ALG11: variants seen among roughly 807,000 people sequenced by gnomAD.
ALG11 encodes the protein GDP-Man:Man(3)GlcNAc(2)-PP-Dol alpha-1,2-mannosyltransferase.
Under a neutral mutation model 38.8 loss-of-function variants are expected in ALG11, and 26 were observed. That is an observed-to-expected ratio of 0.67 (90% CI 0.49 to 0.93). The LOEUF (loss-of-function observed/expected upper bound fraction) is 0.93, where lower values mean the gene tolerates loss of function less well. Ranked by LOEUF, ALG11 falls within the 40% of genes least tolerant of loss-of-function variation. ALG11 has a pLI of 0.00. For synonymous variants in ALG11, 199 were observed against 211.6 expected (o/e 0.94, Z 0.52); for missense variants, 535 against 578.8 (o/e 0.92, Z 0.78).
In ALG11 at chr13:52,018,568, C is replaced by A. The variant is rs186908372; in HGVS notation, c.45-345C>A. 9.9e-5 allele frequency among the ~76,000 whole-genome samples: 15 copies of A among 152,242 alleles called. No individual in the cohort carries two copies. In the East Asian group the frequency reaches 2.9e-3, roughly 29 times the overall value. ...TCAAAATGACAGTATATAACACATT[C>A]TTAATCATGTCTTGTTTAGATTAAT... On this transcript the variant is annotated intron_variant, in intron 1 of 3. Coordinates refer to ENST00000521508, the MANE Select transcript of ALG11 (RefSeq NM_001004127.3).
chr13:52,017,408 A>G (rs1392077644), intron 1 of ALG11: 1 of 152,274 alleles, frequency 6.6e-6, no homozygotes, highest in Non-Finnish European at 1.5e-5. Context: ...GGGCAGAATG[A>G]TATGGTTTGG....
chr13:52,024,880 T>C lies in ALG11; in HGVS notation c.1150T>C (p.Tyr384His). 2 of 1,613,674 alleles carry C rather than the reference T, an allele frequency of 1.2e-6. No individual in the cohort carries two copies. Among genetic ancestry groups the C allele is most frequent in the Non-Finnish European group, 8.5e-7 (1 of 1,180,024 alleles). ...INIPFDELKNYLSEATIGLHT... is the reference protein window; with the variant it reads ...INIPFDELKNHLSEATIGLHT... Reference sequence around the variant, plus strand: ...CATTCCATTTGATGAATTAAAGAATTATTTGTCTGAAGCAACAATTGGTCT... The same window carrying C: ...CATTCCATTTGATGAATTAAAGAATCATTTGTCTGAAGCAACAATTGGTCT... The change falls in exon 3 of 4, where the codon TAT becomes CAT. Residue 384 changes from tyrosine (Y) to histidine (H), a missense_variant. By Grantham distance (83) the Tyr-to-His change is moderately conservative (BLOSUM62 2). Transcript: ENST00000521508.
At position 52,030,166 on chromosome 13, in the gene ALG11, G is replaced by T; in HGVS notation, c.*1576G>T. On this transcript the variant is annotated 3_prime_UTR_variant, in exon 4 of 4. Coordinates refer to ENST00000521508, the MANE Select transcript of ALG11 (RefSeq NM_001004127.3). ...CAAAAGATTCTAGCAGCCAGGAGGT[G>T]CTGTCCGAATTGAGGGCACTATCTC... 9 of 1,614,212 alleles carry T rather than the reference G, an allele frequency of 5.6e-6. No homozygotes were observed. Among genetic ancestry groups the T allele is most frequent in the Non-Finnish European group, 7.6e-6 (9 of 1,180,040 alleles).
chr13:52,018,521 TA>T (rs1236987783), intron 1 of ALG11, among the ~76,000 whole-genome samples: 1 of 152,196 alleles, frequency 6.6e-6, no homozygotes, highest in Admixed American at 6.5e-5. Flanking sequence ...TCAAAAGACA[TA>T]TTTTTTTTGG....
chr13:52,019,216 CTTTTTTT>C (rs767701891), intron 2 of ALG11, 73 bp downstream of exon 2: 38 of 447,506 alleles, frequency 8.5e-5, no homozygotes, highest in African/African-American at 5.9e-5. Flanking sequence ...AGAAATTCAT[CTTTTTTT>C]TTTTTTTTTT....
chr13:52,028,453 A>C lies in ALG11; in HGVS notation c.1342A>C (p.Thr448Pro). 2 of 1,614,192 alleles carry C rather than the reference A, an allele frequency of 1.2e-6. No homozygotes were observed. Among genetic ancestry groups the C allele is most frequent in the Non-Finnish European group, 1.7e-6 (2 of 1,180,042 alleles). ...TGAGAGTGAAGAAGACTATGCTGAA[A>C]CTATCGCTCACATTCTTTCCATGTC... ...LAESEEDYAE[T>P]IAHILSMSAE... is the part of the protein sequence containing the mutation. The change falls in exon 4 of 4, where the codon ACT (threonine) becomes CCT (proline). Residue 448 changes from threonine to proline, a missense_variant. Transcript: ENST00000521508.
chr13:52,019,295 C>T (rs1954164518), intron 2 of ALG11, 152 bp downstream of exon 2: 2 of 712,922 alleles, frequency 2.8e-6, no homozygotes, highest in Admixed American at 3.0e-5. Context: ...GATGTCGGCT[C>T]ACTGCAAGCT....
At position 52,030,102 on chromosome 13, in the gene ALG11, A is replaced by AAG. The variant is rs933233966; in HGVS notation, c.*1512_*1513insAG. 3.1e-6 allele frequency: 5 copies of AAG among 1,614,130 alleles called. No individual in the cohort carries two copies. The African/African-American group carries it at 6.7e-5, about 22-fold the overall frequency. ...AGGCAATCCCTTAGAAAAAGATCTG[A>AAG]GCTCAACCAGGATGCTGAGCCAGCA... On this transcript the variant is annotated 3_prime_UTR_variant, in exon 4 of 4. Coordinates refer to ENST00000521508, the MANE Select transcript of ALG11 (RefSeq NM_001004127.3).
In ALG11 at chr13:52,028,725, AAAGG is replaced by A. The variant is rs1454847520; in HGVS notation, c.*139_*142del. ...ACAGACAAAATTTCCTTTTAGAATAAAAGGAAGTGTTGAAAAGAAAATGGATGAC... is the reference window on the plus strand; with the variant it reads ...ACAGACAAAATTTCCTTTTAGAATAAAAGTGTTGAAAAGAAAATGGATGAC... On this transcript the variant is annotated 3_prime_UTR_variant, in exon 4 of 4. Transcript: ENST00000521508. The A allele has an allele frequency of 6.3e-7, 1 of 1,599,452 alleles. No individual in the cohort carries two copies. The highest frequency in any genetic ancestry group is 2.2e-5 in the East Asian group (1 of 44,624).
At chr13:52,021,461 TG>T in intron 2 of ALG11, 1 of 152,278 alleles carries the variant, frequency 6.6e-6, no homozygotes. Flanking sequence ...TAAGGCTGGT[TG>T]GAGCTTGGCG....
At chr13:52,022,559 A>G (rs1954192811) in intron 2 of ALG11, 1 of 152,248 alleles carries the variant, frequency 6.6e-6, no homozygotes, top group South Asian at 2.1e-4. Flanking sequence ...GTCTTTATCA[A>G]TGCGTAGCAC....
rs1334803609 is a variant in ALG11 at position 52,029,376 on chromosome 13, T to C, written c.*786T>C. On this transcript the variant is annotated 3_prime_UTR_variant, in exon 4 of 4. Transcript: ENST00000521508. ...CTGGAGCAGGAAATTTTTAACCTCCTCCATAAGAACAAGCAGCCAGTGACA... is the reference window on the plus strand; with the variant it reads ...CTGGAGCAGGAAATTTTTAACCTCCCCCATAAGAACAAGCAGCCAGTGACA... 1 of 1,613,836 alleles carries C rather than the reference T, an allele frequency of 6.2e-7. No homozygotes were observed. Among genetic ancestry groups the C allele is most frequent in the East Asian group, 2.2e-5 (1 of 44,864 alleles).
chr13:52,031,613 C>T lies in ALG11; in HGVS notation c.*3023C>T. 1 of 172,024 alleles carries T rather than the reference C, an allele frequency of 5.8e-6. No homozygotes were observed. The highest frequency in any genetic ancestry group is 1.9e-4 in the East Asian group (1 of 5,320). 10.7% of individuals were successfully genotyped at this position (172,024 alleles called of 1,614,324 possible). On this transcript the variant is annotated 3_prime_UTR_variant, in exon 4 of 4. Coordinates refer to ENST00000521508, the MANE Select transcript of ALG11 (RefSeq NM_001004127.3). ...GCCTGGAAGTCAGCTTTAAGTCATT[C>T]AAGAGAACCTCAGGCTGTTTTTCTG...
chr13:52,029,749 C>G lies in ALG11; in HGVS notation c.*1159C>G, dbSNP rs755041180. ...CAAAGGCAATTATGGCCAAATATGACCTGGAGGCTCGCCAAGCTATGCAGG... is the reference window on the plus strand; with the variant it reads ...CAAAGGCAATTATGGCCAAATATGAGCTGGAGGCTCGCCAAGCTATGCAGG... On this transcript the variant is annotated 3_prime_UTR_variant, in exon 4 of 4. Coordinates refer to ENST00000521508, the MANE Select transcript of ALG11 (RefSeq NM_001004127.3). 7.6e-5 allele frequency: 122 copies of G among 1,614,174 alleles called. 2 individuals are homozygous for G. The Middle Eastern group carries it at 1.5e-3, about 20-fold the overall frequency.
intron 1 of ALG11, among the ~76,000 whole-genome samples, chr13:52,013,641 A>G (rs529828327): frequency 3.9e-5 from 6 of 152,392 alleles, no homozygotes; most frequent in African/African-American, 1.4e-4. Context: ...TATATGGGTC[A>G]GCTGCATTTT....
In ALG11 at chr13:52,028,670, C is replaced by T. The variant is rs749248865; in HGVS notation, c.*80C>T. The stretch of plus-strand genomic sequence containing the variant: ...ATGTAAATATTTTTCTAAATTCAAT[C>T]TCATTTGTCAAATCATTTTACTTTA... On this transcript the variant is annotated 3_prime_UTR_variant, in exon 4 of 4. Coordinates refer to ENST00000521508, the MANE Select transcript of ALG11 (RefSeq NM_001004127.3). The T allele has an allele frequency of 3.5e-5, 55 of 1,556,996 alleles. No homozygotes were observed. Among genetic ancestry groups the T allele is most frequent in the Non-Finnish European group, 4.7e-5 (54 of 1,139,676 alleles).
In ALG11 at chr13:52,023,067, T is replaced by C. The variant is rs181321071; in HGVS notation, c.276-939T>C. The C allele has an allele frequency of 9.2e-5, 14 of 152,382 alleles. No individual in the cohort carries two copies. In the East Asian group the frequency reaches 1.9e-3, roughly 21 times the overall value. The allele number at this position is 152,382 out of a possible 1,614,324, so 9.4% of individuals were successfully genotyped here. The stretch of plus-strand genomic sequence containing the variant: ...TAGATATTTTCATACTAATTATATC[T>C]AATTGTGATATAGGCACAAGATCTA... On this transcript the variant is annotated intron_variant, in intron 2 of 3. Transcript: ENST00000521508.
intron 1 of ALG11, among the ~76,000 whole-genome samples, chr13:52,015,254 T>A (rs1161540380): frequency 6.6e-6 from 1 of 152,096 alleles, no homozygotes; most frequent in Non-Finnish European, 1.5e-5. Context: ...AACATTTTTT[T>A]AATTAGCTGG....
chr13:52,029,772 A>G lies in ALG11; in HGVS notation c.*1182A>G, dbSNP rs1291611482. The G allele has an allele frequency of 1.2e-6, 2 of 1,614,252 alleles. No homozygotes were observed. The highest frequency in any genetic ancestry group is 2.2e-5 in the South Asian group (2 of 91,086). ...GACCTGGAGGCTCGCCAAGCTATGCAGGAACAGTTGGCCAAGAACAAAGAA... is the reference window on the plus strand; with the variant it reads ...GACCTGGAGGCTCGCCAAGCTATGCGGGAACAGTTGGCCAAGAACAAAGAA... On this transcript the variant is annotated 3_prime_UTR_variant, in exon 4 of 4. Coordinates refer to ENST00000521508, the MANE Select transcript of ALG11 (RefSeq NM_001004127.3).
Sources: gnomAD v4.1 joint callset for allele counts (sites outside exome capture counted in the v4.1 genomes callset) on GRCh38, gnomAD v4.1.1 for gene constraint, MANE v1.5 for transcripts, NCBI Gene and HGNC (gene_info 2026-07-23, HGNC 2026-07-21) for gene names.